The following RSRC1 variants were observed in gnomAD, a reference collection of about 807,000 sequenced individuals.
RSRC1 encodes serine/Arginine-related protein 53.
In RSRC1, 39 loss-of-function variants were observed where a neutral mutation model predicts 49.1. The observed-to-expected ratio is 0.79, with a 90% CI of 0.61 to 1.04. The LOEUF (loss-of-function observed/expected upper bound fraction) is 1.04, where lower values mean the gene tolerates loss of function less well. RSRC1 is among the 50% of genes least tolerant of loss of function. RSRC1 has a pLI of 0.00. For missense variants in RSRC1, 388 were observed against 402.4 expected, an observed-to-expected ratio of 0.96 and a Z score of 0.31; for synonymous variants, 143 against 130.8, an observed-to-expected ratio of 1.09 and a Z score of -0.63.
At chr3:158,334,347 G>A (rs899358921) in intron 5 of RSRC1, among the ~76,000 whole-genome samples, 11 of 152,010 alleles carry the variant, frequency 7.2e-5, no homozygotes, top group African/African-American at 2.4e-4. Context: ...AACTAGTTTT[G>A]TGTGAAATTA....
chr3:158,538,609 T>C (rs1712855033), intron 8 of RSRC1, among the ~76,000 whole-genome samples: 1 of 151,962 alleles, frequency 6.6e-6, no homozygotes, highest in African/African-American at 2.4e-5. Context: ...CCACAGTCAA[T>C]ACACTGGGTT....
At chr3:158,409,614 C>A (rs1041861501) in intron 6 of RSRC1, among the ~76,000 whole-genome samples, 1 of 152,062 alleles carries the variant, frequency 6.6e-6, no homozygotes. Context: ...AATAACATGT[C>A]CCCCATCCTA....
chr3:158,349,691 C>CTTTTTTTTTTTTTTTTTTTTTT (rs775736592), intron 5 of RSRC1, among the ~76,000 whole-genome samples: 1 of 74,852 alleles, frequency 1.3e-5, no homozygotes, highest in Non-Finnish European at 2.3e-5. Context: ...TCTTACTGCC[C>CTTTTTTTTTTTTTTTTTTTTTT]TTTTTTTTTT....
chr3:158,196,931 A>T (rs1230194525), intron 3 of RSRC1, among the ~76,000 whole-genome samples: 1 of 152,150 alleles, frequency 6.6e-6, no homozygotes, highest in African/African-American at 2.4e-5. Context: ...TTTTGCATCG[A>T]TGTTCATCAG....
intron 6 of RSRC1, among the ~76,000 whole-genome samples, chr3:158,444,608 C>A (rs2108379194): frequency 2.0e-5 from 3 of 152,256 alleles, no homozygotes; most frequent in East Asian, 3.9e-4. Context: ...GCAAGGACTT[C>A]ATGTCTAAAA....
chr3:158,525,765 G>A (rs997696314), intron 7 of RSRC1, among the ~76,000 whole-genome samples: 1 of 151,898 alleles, frequency 6.6e-6, no homozygotes, highest in African/African-American at 2.4e-5. Flanking sequence ...TCTCAGAAAC[G>A]TTATGCTGAG....
chr3:158,196,790 T>C (rs966916685), intron 3 of RSRC1, among the ~76,000 whole-genome samples: 1 of 152,244 alleles, frequency 6.6e-6, no homozygotes, highest in Non-Finnish European at 1.5e-5. Context: ...TCTGTTAATA[T>C]GCTGGATTAT....
chr3:158,383,488 G>T (rs1264724141), intron 6 of RSRC1, among the ~76,000 whole-genome samples: 1 of 151,284 alleles, frequency 6.6e-6, no homozygotes, highest in African/African-American at 2.4e-5. Flanking sequence ...AGGGCTGTAT[G>T]TGCTGACTAA....
chr3:158,526,214 A>G (rs1487872622), intron 7 of RSRC1, among the ~76,000 whole-genome samples: 1 of 151,948 alleles, frequency 6.6e-6, no homozygotes, highest in Admixed American at 6.6e-5. Flanking sequence ...CTCTGTTTAA[A>G]GGATCAAAGT....
intron 6 of RSRC1, among the ~76,000 whole-genome samples, chr3:158,383,674 G>C (rs1314466989): frequency 6.6e-6 from 1 of 152,096 alleles, no homozygotes; most frequent in Admixed American, 6.6e-5. Context: ...AGTAGTGGTG[G>C]TGTGTCTTTA....
intron 3 of RSRC1, among the ~76,000 whole-genome samples, chr3:158,199,195 TCCTTGCCTTCCACCA>T (rs538684119): frequency 9.8e-4 from 150 of 152,308 alleles, no homozygotes; most frequent in African/African-American, 3.4e-3. Context: ...GACTTGCTAC[TCCTTGCCTTCCACCA>T]TGATTGTGAG....
At chr3:158,207,335 T>C (rs1036680332) in intron 4 of RSRC1, among the ~76,000 whole-genome samples, 1 of 152,194 alleles carries the variant, frequency 6.6e-6, no homozygotes, top group African/African-American at 2.4e-5. Context: ...TCTCTCTTCG[T>C]TCTTACTTTC....
intron 6 of RSRC1, among the ~76,000 whole-genome samples, chr3:158,458,437 G>A (rs139160308): frequency 1.0e-3 from 156 of 152,072 alleles, no homozygotes; most frequent in South Asian, 7.7e-3. Context: ...GGCAAAAACC[G>A]CAATTACTTT....
intron 6 of RSRC1, among the ~76,000 whole-genome samples, chr3:158,439,357 A>G (rs952264341): frequency 6.6e-6 from 1 of 152,176 alleles, no homozygotes; most frequent in African/African-American, 2.4e-5. Context: ...ATAAAGACAC[A>G]TGCACACATG....
intron 3 of RSRC1, among the ~76,000 whole-genome samples, chr3:158,180,956 C>G (rs1029256896): frequency 2.0e-5 from 3 of 151,884 alleles, no homozygotes; most frequent in East Asian, 1.9e-4. Context: ...AGGCGCCCAC[C>G]ACCACGCCCG....
intron 6 of RSRC1, among the ~76,000 whole-genome samples, chr3:158,383,017 T>C (rs571137354): frequency 6.6e-5 from 10 of 152,310 alleles, no homozygotes; most frequent in African/African-American, 2.4e-4. Context: ...TCAGATTAAT[T>C]AGAGTAAATT....
chr3:158,303,615 C>G (rs1224206941), intron 5 of RSRC1: 1 of 152,150 alleles, frequency 6.6e-6, no homozygotes, highest in Non-Finnish European at 1.5e-5. Flanking sequence ...AAGAAAAATA[C>G]ATTAAAAGGC....
At chr3:158,306,514 A>G (rs779099856) in intron 5 of RSRC1, among the ~76,000 whole-genome samples, 9 of 151,844 alleles carry the variant, frequency 5.9e-5, no homozygotes, top group Non-Finnish European at 1.0e-4. Flanking sequence ...ATTCAACTTT[A>G]TTTTTACTTT....
At chr3:158,239,400 C>T (rs779921119) in intron 4 of RSRC1, among the ~76,000 whole-genome samples, 1 of 152,178 alleles carries the variant, frequency 6.6e-6, no homozygotes. Flanking sequence ...ACTATAAAGA[C>T]CCATGCACAC....
Sources: gnomAD v4.1 joint callset for allele counts (sites outside exome capture counted in the v4.1 genomes callset) on GRCh38, gnomAD v4.1.1 for gene constraint, MANE v1.5 for transcripts, NCBI Gene and HGNC (gene_info 2026-07-23, HGNC 2026-07-21) for gene names.